RALGDS: variants seen among roughly 807,000 people sequenced by gnomAD.
RALGDS encodes the protein ral guanine nucleotide dissociation stimulator, also known as ral guanine nucleotide exchange factor.
A neutral mutation model predicts 99.8 loss-of-function variants in RALGDS; 44 were observed. The observed-to-expected ratio is 0.44, with a 90% CI of 0.35 to 0.57. The LOEUF (loss-of-function observed/expected upper bound fraction) is 0.57, where lower values mean the gene tolerates loss of function less well. Among genes scored for constraint, RALGDS ranks in the 20% least tolerant of loss-of-function variants. The pLI is 0.01. For synonymous variants in RALGDS, 529 were observed against 505.0 expected, an observed-to-expected ratio of 1.05 and a Z score of -0.64; for missense variants, 1,022 against 1,203.1, an observed-to-expected ratio of 0.85 and a Z score of 2.23.
At chr9:133,106,984 G>C in intron 7 of RALGDS, 101 bp downstream of exon 7, 3 of 1,327,752 alleles carry the variant, frequency 2.3e-6, no homozygotes, top group Non-Finnish European at 2.2e-6. Context: ...GCATGCCCCT[G>C]GGAAGGGTAG....
chr9:133,111,657 C>T (rs1246221842), intron 2 of RALGDS, among the ~76,000 whole-genome samples: 1 of 152,212 alleles, frequency 6.6e-6, no homozygotes, highest in Non-Finnish European at 1.5e-5. Flanking sequence ...GGGGCAGTGG[C>T]TCCAGCCTCC....
rs370951865 is a variant in RALGDS, at chr9:133,098,606, A to G, written c.2726T>C (p.Ile909Thr). The G allele has an allele frequency of 4.3e-6, 7 of 1,614,044 alleles. No individual in the cohort carries two copies. Among genetic ancestry groups the G allele is most frequent in the Non-Finnish European group, 5.9e-6 (7 of 1,180,024 alleles). ...ATGCCCTCAGAAGATGCCCTTGGCAATCTTGAGTCCTTTCTGCTTCATGCG... is the reference window on the plus strand; with the variant it reads ...ATGCCCTCAGAAGATGCCCTTGGCAGTCTTGAGTCCTTTCTGCTTCATGCG... ...LPRMKQKGLKIAKGIF is the reference protein window; with the variant it reads ...LPRMKQKGLKTAKGIF The change falls in exon 18 of 18, where the codon ATT becomes ACT. Residue 909 changes from isoleucine (I) to threonine (T), a missense_variant. Transcript: ENST00000372050.
chr9:133,128,324 C>T (rs1387385680), intron 1 of RALGDS, among the ~76,000 whole-genome samples: 4 of 152,132 alleles, frequency 2.6e-5, no homozygotes, highest in African/African-American at 9.7e-5. Flanking sequence ...AGAGGGGCTG[C>T]GGGGGGTGCT....
chr9:133,114,832 G>C (rs1315619877), intron 1 of RALGDS, among the ~76,000 whole-genome samples: 1 of 152,234 alleles, frequency 6.6e-6, no homozygotes, highest in Non-Finnish European at 1.5e-5. Context: ...CCAGTCGGCA[G>C]CTGTGCCTGT....
chr9:133,123,821 CAG>C (rs1302535099), upstream of RALGDS, among the ~76,000 whole-genome samples: 3 of 11,254 alleles, frequency 2.7e-4, 1 homozygote, highest in Non-Finnish European at 7.9e-4. Context: ...CACAGAGAGA[CAG>C]AGACACAGAC....
At chr9:133,129,660 C>T (rs928955702) in intron 1 of RALGDS, among the ~76,000 whole-genome samples, 2 of 152,130 alleles carry the variant, frequency 1.3e-5, no homozygotes, top group African/African-American at 4.8e-5. Context: ...AAACAGGGTT[C>T]GGTCAGCAGA....
intron 1 of RALGDS, 25 bp downstream of exon 1, chr9:133,120,947 C>G (rs1027187737): frequency 1.4e-6 from 2 of 1,473,574 alleles, no homozygotes; most frequent in Non-Finnish European, 1.8e-6. Flanking sequence ...ACGCACCCCC[C>G]GCCCGACCGC....
chr9:133,109,571 C>T (rs1440823079), intron 4 of RALGDS, 55 bp downstream of exon 4: 4 of 1,486,844 alleles, frequency 2.7e-6, no homozygotes, highest in Admixed American at 1.7e-5. Context: ...CCCATGTACT[C>T]TCCCACTGTT....
At chr9:133,107,721 G>A (rs531897433) in intron 6 of RALGDS, among the ~76,000 whole-genome samples, 2 of 152,356 alleles carry the variant, frequency 1.3e-5, no homozygotes, top group African/African-American at 4.8e-5. Context: ...AGCACCCTCC[G>A]CTCCCACAGG....
intron 2 of RALGDS, among the ~76,000 whole-genome samples, chr9:133,111,374 G>C (rs1377516419): frequency 6.6e-6 from 1 of 151,672 alleles, no homozygotes; most frequent in African/African-American, 2.4e-5. Flanking sequence ...TCAGCCTCCT[G>C]GGCTGAAGCA....
In RALGDS at chr9:133,112,075, G is replaced by A. The variant is rs936757649; in HGVS notation, c.261C>T (p.His87=). ...YSISLRKVQL[H]HGGNKGQRWL... ...AGCGCTGCCCCTTGTTGCCTCCGTG[G>A]TGCAGCTGCACCTTGCGCAGGGAGA... Residue 87 remains histidine, a synonymous_variant, in exon 2 of 18, where the codon CAC becomes CAT. Coordinates refer to ENST00000372050, the MANE Select transcript of RALGDS (RefSeq NM_006266.4). The A allele has an allele frequency of 8.8e-6, 14 of 1,585,822 alleles. No individual in the cohort carries two copies. Among genetic ancestry groups the A allele is most frequent in the Non-Finnish European group, 1.1e-5 (13 of 1,165,120 alleles).
chr9:133,129,543 G>C (rs1832269844), intron 1 of RALGDS: 1 of 1,005,366 alleles, frequency 9.9e-7, no homozygotes, highest in Admixed American at 4.0e-5. Context: ...AGCTAGCCTA[G>C]CTTTCTCCCT....
intron 2 of RALGDS, 71 bp downstream of exon 2, chr9:133,111,971 G>T: frequency 1.8e-6 from 2 of 1,133,334 alleles, no homozygotes; most frequent in Non-Finnish European, 2.6e-6. Context: ...AGAACTGGGG[G>T]CCCTCAAGTG....
At chr9:133,129,119 T>C (rs1832254137) in intron 1 of RALGDS, 2 of 1,412,032 alleles carry the variant, frequency 1.4e-6, no homozygotes, top group Non-Finnish European at 1.9e-6. Context: ...GCAGAGGCAC[T>C]GGTTGCCCTG....
At chr9:133,131,051 G>T in exon 1 of RALGDS, 1 of 1,529,552 alleles carries the variant, frequency 6.5e-7, no homozygotes, top group Non-Finnish European at 8.7e-7. Flanking sequence ...AGAGGGTGTG[G>T]GCAGGGGCTG....
intron 1 of RALGDS, among the ~76,000 whole-genome samples, chr9:133,137,372 T>A (rs1400304262): frequency 6.6e-6 from 1 of 152,240 alleles, no homozygotes; most frequent in African/African-American, 2.4e-5. Context: ...CAGCTGGCTC[T>A]CCATAAATGC....
chr9:133,126,148 G>A (rs1588560370), upstream of RALGDS, among the ~76,000 whole-genome samples: 2 of 152,120 alleles, frequency 1.3e-5, no homozygotes, highest in Non-Finnish European at 2.9e-5. Flanking sequence ...CTTATGAATC[G>A]GCATTGATCC....
At position 133,114,725 on chromosome 9, in the gene RALGDS, TAGG is replaced by T. The variant is rs1018076091; in HGVS notation, c.184-2576_184-2574del. On this transcript the variant is annotated intron_variant, in intron 1 of 17. Transcript: ENST00000372050. ...CAGGCAGCCGCTATGAGCTGACTGCTAGGAGGAGAAAAGAACACCACGTGCTTG... is the reference window on the plus strand; with the variant it reads ...CAGGCAGCCGCTATGAGCTGACTGCTAGGAGAAAAGAACACCACGTGCTTG... 3.5e-4 allele frequency among the ~76,000 whole-genome samples: 53 copies of T among 152,292 alleles called. 1 individual carries two copies. Among genetic ancestry groups the T allele is most frequent in the East Asian group, 1.9e-3 (10 of 5,168 alleles).
intron 2 of RALGDS, among the ~76,000 whole-genome samples, chr9:133,111,495 G>C (rs1179522610): frequency 6.6e-6 from 1 of 152,184 alleles, no homozygotes; most frequent in African/African-American, 2.4e-5. Context: ...GGGCCAGGCT[G>C]GTCTCAAACT....
Sources: allele counts gnomAD v4.1 joint callset (sites outside exome capture counted in the v4.1 genomes callset), GRCh38; gene constraint gnomAD v4.1.1; transcripts MANE v1.5; gene names NCBI Gene and HGNC (gene_info 2026-07-23, HGNC 2026-07-21).